USP3: variants seen among roughly 807,000 people sequenced by gnomAD.
USP3 encodes the protein ubiquitin specific peptidase 3.
Under a neutral mutation model 72.3 loss-of-function variants are expected in USP3, and 20 were observed. That is an observed-to-expected ratio of 0.28 (90% CI 0.19 to 0.40). The LOEUF is 0.40. USP3 is among the 10% of genes least tolerant of loss of function. The pLI is 1.00. For missense variants in USP3, 479 were observed against 633.9 expected (o/e 0.76, Z 2.62); for synonymous variants, 222 against 225.3 (o/e 0.99, Z 0.13).
In USP3 at chr15:63,529,296, G is replaced by C; in HGVS notation, c.92-3351G>C. On this transcript the variant is annotated intron_variant, in intron 1 of 14. Transcript: ENST00000380324. The surrounding 1 kb of genome is among the most constrained non-coding windows in gnomAD (Gnocchi z 4.2). Reference sequence around the variant, plus strand: ...TTTTACTTTCTCTCCTTATCATTACGTATCTGTCTGTCTAATTGATGCACA... The same window carrying C: ...TTTTACTTTCTCTCCTTATCATTACCTATCTGTCTGTCTAATTGATGCACA... 2.7e-6 allele frequency: 1 copy of C among 364,658 alleles called. No individual in the cohort carries two copies. Among genetic ancestry groups the C allele is most frequent in the East Asian group, 7.3e-5 (1 of 13,770 alleles). 22.6% of individuals were successfully genotyped at this position (364,658 alleles called of 1,614,324 possible). A position where few individuals can be genotyped will look rare whatever the true frequency, so the allele number is the denominator to read the frequency against.
intron 11 of USP3, among the ~76,000 whole-genome samples, chr15:63,583,275 CT>C (rs552734846): frequency 3.4e-4 from 51 of 152,140 alleles, no homozygotes; most frequent in Middle Eastern, 3.4e-3. Flanking sequence ...CTCTCCCTGC[CT>C]TCTTATTTGC....
At chr15:63,571,112 A>G (rs1042289840) in intron 9 of USP3, among the ~76,000 whole-genome samples, 1 of 152,184 alleles carries the variant, frequency 6.6e-6, no homozygotes, top group Non-Finnish European at 1.5e-5. Flanking sequence ...TTTCCCATGT[A>G]CTAGCAGCCC....
At chr15:63,524,414 T>C (rs1313699297) in intron 1 of USP3, among the ~76,000 whole-genome samples, 1 of 152,216 alleles carries the variant, frequency 6.6e-6, no homozygotes, top group Non-Finnish European at 1.5e-5. Context: ...TGTTAAGTGG[T>C]GGTCTGGTTA....
At chr15:63,586,140 ATTATAC>A (rs1414494221) in intron 11 of USP3, among the ~76,000 whole-genome samples, 1 of 152,192 alleles carries the variant, frequency 6.6e-6, no homozygotes, top group Non-Finnish European at 1.5e-5. Flanking sequence ...AGCAGAGATA[ATTATAC>A]TTTTTCCTTT....
intron 1 of USP3, among the ~76,000 whole-genome samples, chr15:63,520,593 T>C (rs1311724279): frequency 7.2e-6 from 1 of 139,346 alleles, no homozygotes; most frequent in Non-Finnish European, 1.5e-5. Flanking sequence ...AGATGGAGTT[T>C]TGCTCTTGTC....
intron 1 of USP3, among the ~76,000 whole-genome samples, chr15:63,514,492 A>G (rs944776779): frequency 3.3e-5 from 5 of 152,112 alleles, no homozygotes; most frequent in African/African-American, 9.7e-5. Context: ...CTATTTCTTC[A>G]AAATAAGTCC....
chr15:63,523,961 T>A (rs185219360), intron 1 of USP3, among the ~76,000 whole-genome samples: 30 of 152,322 alleles, frequency 2.0e-4, no homozygotes, highest in Middle Eastern at 3.4e-3. Flanking sequence ...ACAAAAGGAA[T>A]TTCTGCCACT....
At chr15:63,585,772 G>C (rs1464537084) in intron 11 of USP3, among the ~76,000 whole-genome samples, 1 of 147,326 alleles carries the variant, frequency 6.8e-6, no homozygotes, top group Non-Finnish European at 1.5e-5. Context: ...ATTTGTTTTT[G>C]TGGAGGGTAT....
chr15:63,506,180 T>C (rs938841213), intron 1 of USP3, among the ~76,000 whole-genome samples: 4 of 152,200 alleles, frequency 2.6e-5, no homozygotes, highest in African/African-American at 9.7e-5. Flanking sequence ...GCAGTTCTTT[T>C]GTGAGGATGC....
At chr15:63,530,465 A>C in intron 1 of USP3, 1 of 323,182 alleles carries the variant, frequency 3.1e-6, no homozygotes, top group South Asian at 2.3e-5. Flanking sequence ...GGCACGTGCC[A>C]CCACACCCGG....
chr15:63,541,070 A>G (rs1036618330), intron 3 of USP3, among the ~76,000 whole-genome samples: 5 of 152,190 alleles, frequency 3.3e-5, no homozygotes, highest in Non-Finnish European at 5.9e-5. Flanking sequence ...TACTGAACCA[A>G]TAATTTTTGA....
chr15:63,531,736 G>A (rs530411798), intron 1 of USP3, among the ~76,000 whole-genome samples: 1 of 152,272 alleles, frequency 6.6e-6, no homozygotes, highest in South Asian at 2.1e-4. Flanking sequence ...TCTACAACGT[G>A]CTAGGTGGTT....
Position 63,528,405 on chromosome 15 carries a change from T to A in USP3, c.92-4242T>A. On this transcript the variant is annotated intron_variant, in intron 1 of 14. Transcript: ENST00000380324. This position sits in a 1 kb window ranked among gnomAD's most constrained non-coding sequence, Gnocchi z 4.3. ...AAAGAGCCCTTATAAATTCCCAGAC[T>A]TAACTTTTTAAGCCTTCACAAGTGT... is the stretch of plus-strand genomic sequence containing the variant. Among the ~76,000 whole-genome samples, 1 of 152,094 alleles carries A rather than the reference T, an allele frequency of 6.6e-6. No individual in the cohort carries two copies. The highest frequency in any genetic ancestry group is 1.9e-4 in the East Asian group (1 of 5,206).
chr15:63,519,708 T>C (rs1221279204), intron 1 of USP3, among the ~76,000 whole-genome samples: 2 of 152,236 alleles, frequency 1.3e-5, no homozygotes, highest in African/African-American at 4.8e-5. Flanking sequence ...CATCCATTGA[T>C]GATTCTTGCC....
At chr15:63,590,559 A>G in intron 14 of USP3, 102 bp from the exon 15 acceptor site, 2 of 1,122,202 alleles carry the variant, frequency 1.8e-6, no homozygotes, top group Non-Finnish European at 2.4e-6. Flanking sequence ...TCAAAAGTCT[A>G]GGATGTATTC....
chr15:63,527,173 A>C (rs2065995278), intron 1 of USP3, among the ~76,000 whole-genome samples: 1 of 152,206 alleles, frequency 6.6e-6, no homozygotes, highest in Admixed American at 6.5e-5. Flanking sequence ...CTGGGATTAC[A>C]GGTGTGAGCC....
At chr15:63,518,066 T>C (rs902260704) in intron 1 of USP3, among the ~76,000 whole-genome samples, 2 of 152,244 alleles carry the variant, frequency 1.3e-5, no homozygotes, top group African/African-American at 2.4e-5. Context: ...TTTAAATGTA[T>C]ATCATTTGTA....
At chr15:63,520,122 A>G (rs545386967) in intron 1 of USP3, among the ~76,000 whole-genome samples, 1 of 152,304 alleles carries the variant, frequency 6.6e-6, no homozygotes, top group South Asian at 2.1e-4. Flanking sequence ...TCAGCACAGT[A>G]GAGCTGAGAA....
intron 3 of USP3, among the ~76,000 whole-genome samples, chr15:63,537,584 A>G (rs556738353): frequency 5.3e-5 from 8 of 152,192 alleles, no homozygotes; most frequent in Non-Finnish European, 8.8e-5. Flanking sequence ...TTGTTTAAAA[A>G]AAAATTATTC....
Sources: gnomAD v4.1 joint callset for allele counts (sites outside exome capture counted in the v4.1 genomes callset) on GRCh38, gnomAD v4.1.1 for gene constraint, Gnocchi (gnomAD v3.1) non-coding constraint, MANE v1.5 for transcripts, NCBI Gene and HGNC (gene_info 2026-07-23, HGNC 2026-07-21) for gene names.